Variants in TYW1 observed in about 807,000 individuals in gnomAD.
The protein encoded by TYW1 is tRNA-yW synthesizing protein 1 homolog.
In TYW1, 46 loss-of-function variants were observed where a neutral mutation model predicts 96.2. The observed-to-expected ratio is 0.48, with a 90% CI of 0.38 to 0.61. The LOEUF is 0.61. Ranked by LOEUF, TYW1 falls within the 20% of genes least tolerant of loss-of-function variation. TYW1 has a pLI of 0.00. For missense variants in TYW1, 684 were observed against 909.6 expected, an observed-to-expected ratio of 0.75 and a Z score of 3.19; for synonymous variants, 274 against 323.0, an observed-to-expected ratio of 0.85 and a Z score of 1.63.
chr7:67,056,231 G>T (rs1374117627), intron 9 of TYW1, among the ~76,000 whole-genome samples: 3 of 152,054 alleles, frequency 2.0e-5, no homozygotes, highest in African/African-American at 7.2e-5. Flanking sequence ...AGTGGCTCAC[G>T]CCTGTAATCC....
chr7:67,127,855 G>T (rs13438033), intron 13 of TYW1, among the ~76,000 whole-genome samples: 42,023 of 151,610 alleles, frequency 0.28, 6,655 homozygotes, highest in African/African-American at 0.44. Context: ...TTTCTTTCAG[G>T]GCTTAAATAT....
chr7:67,009,770 A>G, intron 4 of TYW1, 86 bp downstream of exon 4: 1 of 1,151,950 alleles, frequency 8.7e-7, no homozygotes, highest in Non-Finnish European at 1.2e-6. Context: ...GATAACTAGA[A>G]TCTTCAGAAT....
intron 6 of TYW1, among the ~76,000 whole-genome samples, chr7:67,019,318 C>G (rs1207138297): frequency 1.8e-5 from 1 of 55,904 alleles, no homozygotes; most frequent in Non-Finnish European, 5.0e-5. Flanking sequence ...GCCTCAGCCT[C>G]CTGAGTAGCT....
intron 13 of TYW1, among the ~76,000 whole-genome samples, chr7:67,152,402 C>T (rs763796968): frequency 1.3e-5 from 2 of 152,116 alleles, no homozygotes; most frequent in Non-Finnish European, 2.9e-5. Context: ...TCTTGAAACT[C>T]TCTCCTTTGG....
chr7:67,152,800 C>T (rs974852098), intron 13 of TYW1, among the ~76,000 whole-genome samples: 2 of 152,112 alleles, frequency 1.3e-5, no homozygotes, highest in Admixed American at 6.6e-5. Context: ...CAGGTTTCAC[C>T]ATGTTAGCCA....
intron 13 of TYW1, among the ~76,000 whole-genome samples, chr7:67,134,791 TTTAA>T (rs1798191958): frequency 6.6e-6 from 1 of 150,766 alleles, no homozygotes; most frequent in Non-Finnish European, 1.5e-5. Context: ...TTTTTTTTTT[TTTAA>T]TAATTGAGGT....
chr7:67,065,729 T>C (rs1325055745), intron 9 of TYW1, among the ~76,000 whole-genome samples: 1 of 152,066 alleles, frequency 6.6e-6, no homozygotes, highest in African/African-American at 2.4e-5. Flanking sequence ...TATGTAATAT[T>C]CTTTCATTGT....
intron 13 of TYW1, among the ~76,000 whole-genome samples, chr7:67,168,591 C>CT: frequency 6.6e-6 from 1 of 152,150 alleles, no homozygotes; most frequent in Non-Finnish European, 1.5e-5. Flanking sequence ...TTCAAAATGA[C>CT]TTTGTGTAAC....
chr7:67,091,345 A>G (rs770914164), intron 11 of TYW1, among the ~76,000 whole-genome samples: 61 of 146,276 alleles, frequency 4.2e-4, no homozygotes, highest in Non-Finnish European at 6.0e-4. Context: ...GTTCTCACTC[A>G]TAGGTGGGAA....
chr7:67,067,496 T>C, intron 10 of TYW1, 93 bp downstream of exon 10: 1 of 1,394,746 alleles, frequency 7.2e-7, no homozygotes, highest in Non-Finnish European at 1.0e-6. Flanking sequence ...CTAAGAGCTC[T>C]GCTGTCTTGG....
rs1554398564 is a variant in TYW1, at chr7:67,235,905, A to AAAAG, written c.1978-2400_1978-2399insGAAA. On this transcript the variant is annotated intron_variant, in intron 15 of 15. Transcript: ENST00000359626. Reference sequence around the variant, plus strand: ...CGAGACTCTGTCTCAAAAAAAAAAAAAAAAAGAAAAAGAGGTGAGGAAGAA... The same window carrying AAAAG: ...CGAGACTCTGTCTCAAAAAAAAAAAAAAAGAAAAAGAAAAAGAGGTGAGGAAGAA... Among the ~76,000 whole-genome samples the AAAAG allele has an allele frequency of 6.7e-4, 81 of 121,356 alleles. 1 individual carries two copies. Among genetic ancestry groups the AAAAG allele is most frequent in the Admixed American group, 4.1e-4 (5 of 12,260 alleles). 79.6% of individuals were successfully genotyped at this position (121,356 alleles called of 152,430 possible).
intron 13 of TYW1, among the ~76,000 whole-genome samples, chr7:67,147,938 T>G (rs1798659296): frequency 7.1e-6 from 1 of 140,168 alleles, no homozygotes; most frequent in Non-Finnish European, 1.5e-5. Context: ...AAAAATAAAT[T>G]AATTTGGAAA....
intron 12 of TYW1, among the ~76,000 whole-genome samples, chr7:67,104,429 A>G (rs1378148062): frequency 2.0e-5 from 3 of 152,130 alleles, no homozygotes; most frequent in Admixed American, 2.0e-4. Flanking sequence ...CTTTTAAACA[A>G]CCAGATTTCG....
At chr7:67,061,752 AG>A (rs1795701571) in intron 9 of TYW1, among the ~76,000 whole-genome samples, 1 of 152,234 alleles carries the variant, frequency 6.6e-6, no homozygotes, top group Non-Finnish European at 1.5e-5. Context: ...GAATTTTGGG[AG>A]GAATCCAATA....
chr7:67,112,120 A>AAAAAAAAAAAAAAAG (rs1424171580), intron 12 of TYW1, among the ~76,000 whole-genome samples: 69 of 148,758 alleles, frequency 4.6e-4, no homozygotes, highest in Non-Finnish European at 7.8e-4. Context: ...AAAAAAAAAA[A>AAAAAAAAAAAAAAAG]AAAGAAAGTG....
In TYW1 at chr7:67,017,891, C is replaced by T. The variant is rs562612210; in HGVS notation, c.609C>T (p.Gly203=). 47 of 1,613,802 alleles carry T rather than the reference C, an allele frequency of 2.9e-5. No homozygotes were observed. The highest frequency in any genetic ancestry group is 1.2e-4 in the African/African-American group (9 of 74,878). Residue 203 remains glycine (G), a synonymous_variant, in exon 6 of 16, where the codon GGC becomes GGT. Coordinates refer to ENST00000359626, the MANE Select transcript of TYW1 (RefSeq NM_018264.4). ...TTGACAAGTGGCTCTGGATGCTTGG[C>T]GCGCATCGTGTGATGAGTCGAGGGG... ...KNVDKWLWML[G]AHRVMSRGEG...
At chr7:67,042,059 G>T (rs1252674470) in intron 7 of TYW1, among the ~76,000 whole-genome samples, 1 of 143,684 alleles carries the variant, frequency 7.0e-6, no homozygotes, top group East Asian at 2.0e-4. Context: ...AATTATATTA[G>T]AATTATATAA....
chr7:67,024,341 T>A (rs1794377277), intron 6 of TYW1, among the ~76,000 whole-genome samples: 1 of 152,018 alleles, frequency 6.6e-6, no homozygotes, highest in African/African-American at 2.4e-5. Flanking sequence ...ATTGTATACA[T>A]TTTTTTGTAG....
chr7:67,169,461 C>T (rs1195203153), intron 13 of TYW1, among the ~76,000 whole-genome samples: 9 of 151,918 alleles, frequency 5.9e-5, no homozygotes, highest in Non-Finnish European at 8.8e-5. Flanking sequence ...AGTGCAGTGG[C>T]GTGATCTTGG....
Sources: allele counts gnomAD v4.1 joint callset (sites outside exome capture counted in the v4.1 genomes callset), GRCh38; gene constraint gnomAD v4.1.1; transcripts MANE v1.5; gene names NCBI Gene and HGNC (gene_info 2026-07-23, HGNC 2026-07-21).